NDE1: variants seen among roughly 807,000 people sequenced by gnomAD.
The protein encoded by NDE1 is nudE neurodevelopment protein 1.
A neutral mutation model predicts 43.4 loss-of-function variants in NDE1; 28 were observed. That is an observed-to-expected ratio of 0.65 (90% CI 0.48 to 0.89). The LOEUF is 0.89. Ranked by LOEUF, NDE1 falls within the 40% of genes least tolerant of loss-of-function variation. NDE1 has a pLI of 0.00. For missense variants in NDE1, 441 were observed against 434.1 expected, an observed-to-expected ratio of 1.02 and a Z score of -0.14; for synonymous variants, 184 against 172.0, an observed-to-expected ratio of 1.07 and a Z score of -0.55.
rs2038894819 is a variant in NDE1, at chr16:15,694,181, C to CT, written c.720_721insT (p.Gly241TrpfsTer74). On this transcript the variant is annotated frameshift_variant, in exon 7 of 9. Transcript: ENST00000396354. LOFTEE classifies it high-confidence loss of function. ...CACACCCAGGCCTGGACGACTCCAC[C>CT]GGGGGGACCCCCCTCACACCTGCGG... is the stretch of plus-strand genomic sequence containing the variant. 6.2e-7 allele frequency: 1 copy of CT among 1,612,870 alleles called. No individual in the cohort carries two copies. The highest frequency in any genetic ancestry group is 1.3e-5 in the African/African-American group (1 of 74,996).
Position 15,715,056 on chromosome 16 carries a change from T to C in NDE1, c.948-9135T>C, listed in dbSNP as rs2040044529. On this transcript the variant is annotated intron_variant, in intron 8 of 8. Transcript: ENST00000396354. ...CTCCTCCAGCTGCCTCTTGAGCTGC[T>C]TGACCCTGGCATTGCCTTTCTCTGC... is the stretch of plus-strand genomic sequence containing the variant. 6.2e-7 allele frequency: 1 copy of C among 1,613,454 alleles called. No homozygotes were observed. The highest frequency in any genetic ancestry group is 1.3e-5 in the African/African-American group (1 of 74,906).
intron 7 of NDE1, 21 bp downstream of exon 7, chr16:15,694,277 C>T (rs375742952): frequency 1.1e-4 from 172 of 1,609,872 alleles, no homozygotes; most frequent in African/African-American, 2.1e-4. Flanking sequence ...ACTTTCCTGG[C>T]GTTTGGTGCC....
At chr16:15,691,385 G>C (rs879790676) in intron 6 of NDE1, 62 bp downstream of exon 6, 25 of 1,562,172 alleles carry the variant, frequency 1.6e-5, no homozygotes, top group Non-Finnish European at 2.1e-5. Flanking sequence ...GTAAGAATCT[G>C]GGGTGGGTCC....
intron 8 of NDE1, among the ~76,000 whole-genome samples, chr16:15,722,278 T>C (rs1396902360): frequency 6.6e-6 from 1 of 152,174 alleles, no homozygotes; most frequent in African/African-American, 2.4e-5. Flanking sequence ...CACAAGTAGC[T>C]ATTAATATCT....
chr16:15,715,234 T>A, intron 8 of NDE1: 1 of 1,614,168 alleles, frequency 6.2e-7, no homozygotes, highest in Non-Finnish European at 8.5e-7. Context: ...CAGCTTCTTG[T>A]CTTTCTGCTT....
At chr16:15,720,818 G>A in intron 8 of NDE1, 3 of 1,612,220 alleles carry the variant, frequency 1.9e-6, no homozygotes, top group South Asian at 1.1e-5. Flanking sequence ...TCCCTCTGCT[G>A]GCCTCCCCGG....
chr16:15,653,997 C>T (rs994730757), intron 1 of NDE1, among the ~76,000 whole-genome samples: 3 of 151,998 alleles, frequency 2.0e-5, no homozygotes, highest in Admixed American at 6.6e-5. Context: ...TCCCAAAGTG[C>T]TGGGATTACA....
intron 8 of NDE1, among the ~76,000 whole-genome samples, chr16:15,697,280 T>G (rs1076550): frequency 6.6e-6 from 1 of 152,078 alleles, no homozygotes. Context: ...GAGCTTCAAG[T>G]GATCCTCACC....
upstream of NDE1, among the ~76,000 whole-genome samples, chr16:15,648,865 G>C (rs2036386632): frequency 6.6e-6 from 1 of 152,180 alleles, no homozygotes; most frequent in African/African-American, 2.4e-5. Flanking sequence ...TAGGGTTGCT[G>C]TGAGAATTGT....
chr16:15,702,100 T>G (rs992728132), intron 8 of NDE1: 5 of 152,246 alleles, frequency 3.3e-5, no homozygotes, highest in Non-Finnish European at 7.3e-5. Context: ...ATTCAAGGCA[T>G]ATTAGCATCT....
intron 7 of NDE1, 150 bp downstream of exon 7, chr16:15,694,406 T>G (rs1342773475): frequency 6.6e-7 from 1 of 1,511,400 alleles, no homozygotes; most frequent in South Asian, 1.2e-5. Flanking sequence ...AGTGTAGTGG[T>G]ATGATCACAA....
At chr16:15,718,853 C>T in intron 8 of NDE1, 1 of 405,472 alleles carries the variant, frequency 2.5e-6, no homozygotes, top group Non-Finnish European at 4.6e-6. Context: ...CAGGGCCAGG[C>T]ACGGTGGCTC....
chr16:15,703,633 G>A (rs192051192), intron 8 of NDE1: 3 of 411,374 alleles, frequency 7.3e-6, no homozygotes, highest in East Asian at 4.1e-5. Flanking sequence ...CTGTTGCCCA[G>A]GCTGGAGTGC....
At chr16:15,661,725 C>T (rs796605325) in intron 1 of NDE1, among the ~76,000 whole-genome samples, 12 of 151,456 alleles carry the variant, frequency 7.9e-5, no homozygotes, top group South Asian at 4.2e-4. Flanking sequence ...ATTACAGGTG[C>T]GAGGCACTGC....
At position 15,724,608 on chromosome 16, in the gene NDE1, A is replaced by C; in HGVS notation, c.*357A>C. 6.2e-7 allele frequency: 1 copy of C among 1,613,056 alleles called. No homozygotes were observed. Among genetic ancestry groups the C allele is most frequent in the South Asian group, 1.1e-5 (1 of 91,020 alleles). On this transcript the variant is annotated 3_prime_UTR_variant, in exon 9 of 9. Transcript: ENST00000396354. ...GGGGGATCTCAGCGCAGAGAAGTTG[A>C]GAGGACCCATGAAGGAAGCAAGGAC...
chr16:15,725,764 G>GTT lies in NDE1; in HGVS notation c.*1514_*1515insTT. 1 of 398,774 alleles carries GTT rather than the reference G, an allele frequency of 2.5e-6. No homozygotes were observed. Among genetic ancestry groups the GTT allele is most frequent in the Non-Finnish European group, 4.4e-6 (1 of 226,178 alleles). 24.7% of individuals were successfully genotyped at this position (398,774 alleles called of 1,614,324 possible). ...GAAAACTTTGGCCACGTCCCCATGA[G>GTT]TGGCAAGGCAGGGTAAATGGCTATG... is the stretch of plus-strand genomic sequence containing the variant. On this transcript the variant is annotated 3_prime_UTR_variant, in exon 9 of 9. Transcript: ENST00000396354.
chr16:15,662,865 C>T (rs2037118588), intron 1 of NDE1, among the ~76,000 whole-genome samples: 1 of 152,210 alleles, frequency 6.6e-6, no homozygotes. Flanking sequence ...AGGCGTGAGC[C>T]ACTGCACCTG....
intron 1 of NDE1, among the ~76,000 whole-genome samples, chr16:15,652,608 G>A (rs930143713): frequency 9.2e-5 from 14 of 152,152 alleles, no homozygotes; most frequent in African/African-American, 3.4e-4. Flanking sequence ...CTGTCACTTG[G>A]TTCAGTAGAA....
chr16:15,695,465 A>G lies in NDE1; in HGVS notation c.795+1209A>G, dbSNP rs2038967250. On this transcript the variant is annotated intron_variant, in intron 7 of 8. Transcript: ENST00000396354. ...GGAGGTTGCAGTGAGCTGAGATCGC[A>G]CCGCTGGGTGACAAAGTGAGACTTG... 9.2e-6 allele frequency: 9 copies of G among 975,574 alleles called. No individual in the cohort carries two copies. In the South Asian group the frequency reaches 3.3e-4, roughly 36 times the overall value. The allele number at this position is 975,574 out of a possible 1,614,324, so 60.4% of individuals were successfully genotyped here.
Sources: allele counts gnomAD v4.1 joint callset (sites outside exome capture counted in the v4.1 genomes callset), GRCh38; gene constraint gnomAD v4.1.1; transcripts MANE v1.5; gene names NCBI Gene and HGNC (gene_info 2026-07-23, HGNC 2026-07-21).